Variants in SRGAP1 observed in about 807,000 individuals in gnomAD.
SRGAP1 encodes SLIT-ROBO Rho GTPase-activating protein 1.
Under a neutral mutation model 121.9 loss-of-function variants are expected in SRGAP1, and 43 were observed. The ratio of observed to expected loss-of-function variants is 0.35; its 90% CI spans 0.28 to 0.46. SRGAP1 has a LOEUF of 0.46. Ranked by LOEUF, SRGAP1 falls within the 20% of genes least tolerant of loss-of-function variation. The pLI is 1.00. For synonymous variants in SRGAP1, 447 were observed against 485.4 expected, an observed-to-expected ratio of 0.92 and a Z score of 1.04; for missense variants, 1,102 against 1,350.9, an observed-to-expected ratio of 0.82 and a Z score of 2.89.
chr12:63,923,440 A>T lies in SRGAP1; in HGVS notation c.68-60507A>T, dbSNP rs370263399. Among the ~76,000 whole-genome samples, 121 of 152,354 alleles carry T rather than the reference A, an allele frequency of 7.9e-4. 1 individual carries two copies. Among genetic ancestry groups the T allele is most frequent in the African/African-American group, 2.7e-3 (114 of 41,592 alleles). On this transcript the variant is annotated intron_variant, in intron 1 of 21. Coordinates refer to ENST00000355086, the MANE Select transcript of SRGAP1 (RefSeq NM_020762.4). ...ATTTAAGGGGTGATTAGGATAAGGA[A>T]ATCAATCTGTTGTAATTTTTTTAAC...
intron 4 of SRGAP1, among the ~76,000 whole-genome samples, chr12:64,036,352 G>T (rs2034902870): frequency 6.6e-6 from 1 of 152,122 alleles, no homozygotes; most frequent in Admixed American, 6.5e-5. Context: ...GGCTTCCAAG[G>T]CTGTGGTATT....
intron 21 of SRGAP1, among the ~76,000 whole-genome samples, chr12:64,140,393 T>G (rs1186925760): frequency 1.4e-5 from 2 of 141,516 alleles, no homozygotes; most frequent in African/African-American, 5.5e-5. Flanking sequence ...GTTCTTCCAT[T>G]TGTTTGTATC....
intron 1 of SRGAP1, among the ~76,000 whole-genome samples, chr12:63,976,373 A>G (rs866746470): frequency 2.2e-4 from 33 of 152,228 alleles, no homozygotes; most frequent in East Asian, 5.8e-4. Flanking sequence ...TGGTAAGTCA[A>G]TCTCAGGGTC....
At chr12:63,980,558 A>C (rs903541447) in intron 1 of SRGAP1, among the ~76,000 whole-genome samples, 1 of 151,924 alleles carries the variant, frequency 6.6e-6, no homozygotes, top group South Asian at 2.1e-4. Context: ...GGGGCAGTAT[A>C]AGGAATCCAA....
chr12:63,981,592 T>C (rs1229380652), intron 1 of SRGAP1, among the ~76,000 whole-genome samples: 1 of 152,242 alleles, frequency 6.6e-6, no homozygotes, highest in Non-Finnish European at 1.5e-5. Context: ...ATTATAATAC[T>C]GTATTGGAAA....
chr12:63,950,102 G>A (rs967519456), intron 1 of SRGAP1, among the ~76,000 whole-genome samples: 5 of 152,178 alleles, frequency 3.3e-5, no homozygotes, highest in African/African-American at 1.2e-4. Flanking sequence ...ATAGGAACTT[G>A]GCTCTCAATC....
chr12:64,141,871 C>T (rs909140482), intron 21 of SRGAP1, among the ~76,000 whole-genome samples: 2 of 152,036 alleles, frequency 1.3e-5, no homozygotes, highest in African/African-American at 4.8e-5. Context: ...GTAGCACATA[C>T]CTGTGGTCCC....
chr12:63,856,867 C>G (rs1399486413), intron 1 of SRGAP1, among the ~76,000 whole-genome samples: 2 of 152,146 alleles, frequency 1.3e-5, no homozygotes, highest in Non-Finnish European at 2.9e-5. Flanking sequence ...AATTATAAAT[C>G]AGTTAGGGAA....
chr12:64,017,235 C>T (rs2034427797), intron 4 of SRGAP1, among the ~76,000 whole-genome samples: 2 of 152,206 alleles, frequency 1.3e-5, no homozygotes, highest in African/African-American at 4.8e-5. Context: ...ACCTATCTGT[C>T]TGTCTACGTA....
chr12:63,863,041 C>T (rs746532830), intron 1 of SRGAP1, among the ~76,000 whole-genome samples: 1 of 152,158 alleles, frequency 6.6e-6, no homozygotes. Flanking sequence ...GATTAATTTG[C>T]TCACCATTTC....
At chr12:63,932,293 A>G (rs1211248924) in intron 1 of SRGAP1, among the ~76,000 whole-genome samples, 1 of 152,144 alleles carries the variant, frequency 6.6e-6, no homozygotes, top group Non-Finnish European at 1.5e-5. Context: ...AAAAACAACA[A>G]AAAAATAGAT....
At chr12:64,104,189 T>A (rs1315600565) in intron 15 of SRGAP1, among the ~76,000 whole-genome samples, 2 of 152,368 alleles carry the variant, frequency 1.3e-5, no homozygotes, top group East Asian at 1.9e-4. Flanking sequence ...ACTTGTGTTT[T>A]ATGGTAAATT....
intron 1 of SRGAP1, among the ~76,000 whole-genome samples, chr12:63,975,389 A>T (rs2033065781): frequency 6.6e-6 from 1 of 152,218 alleles, no homozygotes; most frequent in African/African-American, 2.4e-5. Flanking sequence ...TCAGTTGCTA[A>T]TTCCCTCATA....
At chr12:63,865,928 A>C (rs1899614238) in intron 1 of SRGAP1, among the ~76,000 whole-genome samples, 2 of 136,508 alleles carry the variant, frequency 1.5e-5, no homozygotes, top group South Asian at 4.8e-4. Flanking sequence ...AGCTTCTCTC[A>C]GTCCAACCAC....
chr12:63,961,174 T>C (rs566629185), intron 1 of SRGAP1, among the ~76,000 whole-genome samples: 1 of 152,336 alleles, frequency 6.6e-6, no homozygotes, highest in Admixed American at 6.5e-5. Flanking sequence ...TTCCATTTTC[T>C]AGCCATACCA....
At chr12:63,853,256 G>A (rs774849276) in intron 1 of SRGAP1, among the ~76,000 whole-genome samples, 1 of 151,934 alleles carries the variant, frequency 6.6e-6, no homozygotes, top group Non-Finnish European at 1.5e-5. Context: ...CCTGACATCA[G>A]GTGATCCACC....
chr12:64,049,508 A>G (rs890846677), intron 6 of SRGAP1, among the ~76,000 whole-genome samples: 3 of 152,214 alleles, frequency 2.0e-5, no homozygotes, highest in African/African-American at 7.2e-5. Context: ...GAACTCATTC[A>G]GTATCACAAG....
At chr12:64,120,571 A>G (rs559491516) in intron 18 of SRGAP1, 1 of 152,212 alleles carries the variant, frequency 6.6e-6, no homozygotes, top group Non-Finnish European at 1.5e-5. Context: ...AGGGGATAAG[A>G]TTTCTAGAAC....
chr12:63,861,439 A>G (rs1260507362), intron 1 of SRGAP1, among the ~76,000 whole-genome samples: 2 of 151,650 alleles, frequency 1.3e-5, no homozygotes, highest in Non-Finnish European at 2.9e-5. Flanking sequence ...AGCTAGGATT[A>G]TAGGCACCCA....
Sources: allele counts gnomAD v4.1 joint callset (sites outside exome capture counted in the v4.1 genomes callset), GRCh38; gene constraint gnomAD v4.1.1; transcripts MANE v1.5; gene names NCBI Gene and HGNC (gene_info 2026-07-23, HGNC 2026-07-21).